CERS5: variants seen among roughly 807,000 people sequenced by gnomAD.
CERS5 encodes the protein LAG1 homolog, ceramide synthase 5.
In CERS5, 37 loss-of-function variants were observed where a neutral mutation model predicts 58.9. The ratio of observed to expected loss-of-function variants is 0.63; its 90% confidence interval spans 0.48 to 0.83. The LOEUF (loss-of-function observed/expected upper bound fraction) is 0.83, where lower values mean the gene tolerates loss of function less well. CERS5 is among the 40% of genes least tolerant of loss of function. CERS5 has a pLI of 0.00. For missense variants in CERS5, 398 were observed against 489.3 expected (o/e 0.81, Z 1.76); for synonymous variants, 147 against 177.8 (o/e 0.83, Z 1.38).
intron 1 of CERS5, chr12:50,165,806 G>C: frequency 3.2e-6 from 1 of 315,048 alleles, no homozygotes; most frequent in Non-Finnish European, 6.3e-6. Flanking sequence ...AGATGTCCAA[G>C]AACCACCCTC....
At chr12:50,157,610 C>T (rs1938800685) in intron 1 of CERS5, among the ~76,000 whole-genome samples, 1 of 152,038 alleles carries the variant, frequency 6.6e-6, no homozygotes, top group South Asian at 2.1e-4. Context: ...TCTTCAAATT[C>T]CAGCTGTGAC....
At chr12:50,145,409 A>C (rs1306987878) in intron 1 of CERS5, among the ~76,000 whole-genome samples, 4 of 152,202 alleles carry the variant, frequency 2.6e-5, no homozygotes, top group Non-Finnish European at 1.5e-5. Context: ...AACCAGTTTT[A>C]GCCCTTAGCA....
At chr12:50,136,332 G>A (rs1592345690) in intron 6 of CERS5, among the ~76,000 whole-genome samples, 1 of 152,258 alleles carries the variant, frequency 6.6e-6, no homozygotes, top group East Asian at 1.9e-4. Flanking sequence ...AATAAGCCGG[G>A]CTTGGTGGCA....
chr12:50,136,310 T>C (rs1951696712), intron 6 of CERS5, among the ~76,000 whole-genome samples: 1 of 151,980 alleles, frequency 6.6e-6, no homozygotes, highest in South Asian at 2.1e-4. Flanking sequence ...CCGTCTCTAC[T>C]AAAAATACAA....
Position 50,160,308 on chromosome 12 carries a change from AAAAAAAAAAAG to A in CERS5, c.197+6782_197+6792del, listed in dbSNP as rs557977556. Among the ~76,000 whole-genome samples the A allele has an allele frequency of 1.2e-4, 18 of 151,504 alleles. 1 individual carries two copies. Among genetic ancestry groups the A allele is most frequent in the Admixed American group, 5.3e-4 (8 of 15,218 alleles). On this transcript the variant is annotated intron_variant, in intron 1 of 9. Transcript: ENST00000317551. The stretch of plus-strand genomic sequence containing the variant: ...CAACAGAGCGAGACTCTGTCTCAAA[AAAAAAAAAAAG>A]AAAAAAAAAAGAAAAGAAAAAAGGA...
At chr12:50,160,105 G>T (rs955665059) in intron 1 of CERS5, among the ~76,000 whole-genome samples, 1 of 151,578 alleles carries the variant, frequency 6.6e-6, no homozygotes, top group Non-Finnish European at 1.5e-5. Context: ...AGGAGTTCAA[G>T]ACCAGTCTGG....
rs759369272 is a variant in CERS5, at chr12:50,142,691, TA to T, written c.434+382del. Among the ~76,000 whole-genome samples, 49 of 151,846 alleles carry T rather than the reference TA, an allele frequency of 3.2e-4. 1 individual carries two copies. Among genetic ancestry groups the T allele is most frequent in the Admixed American group, 2.0e-4 (3 of 15,236 alleles). On this transcript the variant is annotated intron_variant, in intron 3 of 9. Coordinates refer to ENST00000317551, the MANE Select transcript of CERS5 (RefSeq NM_147190.5). The stretch of plus-strand genomic sequence containing the variant: ...GACAGGATAATGAGAAAAAGCTCAA[TA>T]AAATGAAAAATAGTATTTCCCAGAA...
intron 1 of CERS5, among the ~76,000 whole-genome samples, chr12:50,151,752 G>A (rs1350275672): frequency 6.6e-6 from 1 of 152,072 alleles, no homozygotes; most frequent in East Asian, 1.9e-4. Flanking sequence ...TCCCAGGTTC[G>A]ATTCTGCCTC....
intron 9 of CERS5, chr12:50,132,963 T>C: frequency 1.6e-6 from 2 of 1,288,850 alleles, no homozygotes; most frequent in Non-Finnish European, 2.0e-6. Flanking sequence ...TACACTTACA[T>C]GCAAGAGATG....
In CERS5 at chr12:50,130,666, TCCA is replaced by T. The variant is rs1951268821; in HGVS notation, c.1055_1057del (p.Val352del). On this transcript the variant is annotated inframe_deletion, in exon 10 of 10. Coordinates refer to ENST00000317551, the MANE Select transcript of CERS5 (RefSeq NM_147190.5). Reference sequence around the variant, plus strand: ...CACATCTTCTTCCTCTGAGCTGCTCTCCACATCACTGCGATCATCCTTCGATAC... The same window carrying T: ...CACATCTTCTTCCTCTGAGCTGCTCTCATCACTGCGATCATCCTTCGATAC... The T allele has an allele frequency of 6.2e-7, 1 of 1,605,360 alleles. No individual in the cohort carries two copies. The highest frequency in any genetic ancestry group is 1.7e-5 in the Admixed American group (1 of 59,794).
intron 4 of CERS5, among the ~76,000 whole-genome samples, chr12:50,140,222 TTCTTC>T (rs1186282076): frequency 1.3e-5 from 2 of 152,110 alleles, no homozygotes; most frequent in Admixed American, 6.6e-5. Context: ...TAAAAATATT[TTCTTC>T]TCTTGTGATT....
intron 1 of CERS5, chr12:50,144,514 T>G (rs1592374239): frequency 1.2e-5 from 4 of 340,978 alleles, no homozygotes; most frequent in Non-Finnish European, 2.1e-5. Context: ...AATGGCAGTT[T>G]CCTTACATCA....
At chr12:50,150,906 G>A (rs1937888795) in intron 1 of CERS5, among the ~76,000 whole-genome samples, 1 of 152,230 alleles carries the variant, frequency 6.6e-6, no homozygotes, top group East Asian at 1.9e-4. Flanking sequence ...AAAATGGAAT[G>A]TCCTCAACTT....
chr12:50,143,220 CAG>C lies in CERS5; in HGVS notation c.304-18_304-17del. 2 of 1,613,698 alleles carry C rather than the reference CAG, an allele frequency of 1.2e-6. No homozygotes were observed. The highest frequency in any genetic ancestry group is 1.7e-5 in the Admixed American group (1 of 59,964). On this transcript the variant is annotated splice_polypyrimidine_tract_variant and intron_variant, in intron 2 of 9. Coordinates refer to ENST00000317551, the MANE Select transcript of CERS5 (RefSeq NM_147190.5). ...TATCAGGATACTGTGAATGTATAAC[CAG>C]AGTCAGAACACCCGTCTCCTCATAC...
At chr12:50,135,308 AGTGTGTGTGTGTGTGTGTGTGTGTGT>A (rs56858635) in intron 8 of CERS5, 5 of 169,002 alleles carry the variant, frequency 3.0e-5, no homozygotes, top group South Asian at 1.1e-4. Flanking sequence ...GAGAGAGAGG[AGTGTGTGTGTGTGTGTGTGTGTGTGT>A]GTGTGTGTGT....
At chr12:50,137,396 G>C (rs1033146071) in intron 6 of CERS5, among the ~76,000 whole-genome samples, 4 of 152,140 alleles carry the variant, frequency 2.6e-5, no homozygotes, top group Non-Finnish European at 4.4e-5. Context: ...TCTGGAATCA[G>C]ACATTTTTTC....
At chr12:50,147,636 C>T (rs554865004) in intron 1 of CERS5, among the ~76,000 whole-genome samples, 5 of 152,262 alleles carry the variant, frequency 3.3e-5, no homozygotes, top group Admixed American at 6.5e-5. Flanking sequence ...CCATAAGTTA[C>T]ATGACATATA....
chr12:50,143,103 G>A lies in CERS5; in HGVS notation c.405C>T (p.Pro135=). Reference sequence around the variant, plus strand: ...TTTCACAGAATTTAGTAAGCGTTGGGGGCTTGTCCTGATTCCTCCGATGGC... The same window carrying A: ...TTTCACAGAATTTAGTAAGCGTTGGAGGCTTGTCCTGATTCCTCCGATGGC... ...WFRHRRNQDK[P]PTLTKFCESM... is the part of the protein sequence containing the mutation. Residue 135 remains proline (P), a synonymous_variant, in exon 3 of 10, where the codon CCC becomes CCT. Coordinates refer to ENST00000317551, the MANE Select transcript of CERS5 (RefSeq NM_147190.5). The A allele has an allele frequency of 6.2e-7, 1 of 1,612,964 alleles. No individual in the cohort carries two copies. The highest frequency in any genetic ancestry group is 8.5e-7 in the Non-Finnish European group (1 of 1,179,412).
intron 9 of CERS5, among the ~76,000 whole-genome samples, chr12:50,131,205 T>C (rs1314736216): frequency 1.3e-5 from 2 of 152,210 alleles, no homozygotes; most frequent in African/African-American, 4.8e-5. Context: ...ACCACTATCC[T>C]ATGACACTGT....
Sources: allele counts gnomAD v4.1 joint callset (sites outside exome capture counted in the v4.1 genomes callset), GRCh38; gene constraint gnomAD v4.1.1; transcripts MANE v1.5; gene names NCBI Gene and HGNC (gene_info 2026-07-23, HGNC 2026-07-21).